C7: variants seen among roughly 807,000 people sequenced by gnomAD.
C7 encodes complement C7.
C7 carries 83 observed loss-of-function variants against 104.8 expected under a neutral mutation model. The ratio of observed to expected loss-of-function variants is 0.79; its 90% CI spans 0.66 to 0.95. C7 has a LOEUF of 0.95. Among genes scored for constraint, C7 ranks in the 40% least tolerant of loss-of-function variants. The pLI is 0.00. For missense variants in C7, 1,070 were observed against 1,011.2 expected (o/e 1.06, Z -0.79); for synonymous variants, 415 against 360.6 (o/e 1.15, Z -1.71).
chr5:40,979,767 G>T lies in C7; in HGVS notation c.2208G>T (p.Arg736Ser), dbSNP rs1195885340. Residue 736 changes from arginine to serine, a missense_variant, in exon 17 of 18, where the codon AGG becomes AGT. Coordinates refer to ENST00000313164, the MANE Select transcript of C7 (RefSeq NM_000587.4). Reference sequence around the variant, plus strand: ...GTGCTCAAGATGAGAGAAGCAAAAGGATACTGCCTCTGACAGTTTGCAAGA... The same window carrying T: ...GTGCTCAAGATGAGAGAAGCAAAAGTATACTGCCTCTGACAGTTTGCAAGA... Reference protein sequence around the residue: ...DVCAQDERSKRILPLTVCKMH... With the variant: ...DVCAQDERSKSILPLTVCKMH... The T allele has an allele frequency of 1.9e-6, 3 of 1,613,516 alleles. No homozygotes were observed. Among genetic ancestry groups the T allele is most frequent in the Non-Finnish European group, 2.5e-6 (3 of 1,179,602 alleles).
chr5:40,929,742 A>G (rs1482775342), intron 2 of C7, among the ~76,000 whole-genome samples: 2 of 151,990 alleles, frequency 1.3e-5, no homozygotes, highest in African/African-American at 4.8e-5. Flanking sequence ...ATGAGAGTCA[A>G]CTCTCCATTT....
Position 40,945,299 on chromosome 5 carries a change from CT to C in C7, c.675del (p.Phe225LeufsTer71). The C allele has an allele frequency of 1.2e-6, 2 of 1,609,136 alleles. No homozygotes were observed. The highest frequency in any genetic ancestry group is 1.7e-6 in the Non-Finnish European group (2 of 1,177,862). ...ACACATCATCTAGTCGGAAGCGCTC[CT>C]TTTTTAGATCTTCATCATCTTCTTC... The part of the protein sequence containing the change: ...EHTSSSRKRS[F>X]FRSSSSSSRS... On this transcript the variant is annotated frameshift_variant, in exon 7 of 18. Coordinates refer to ENST00000313164, the MANE Select transcript of C7 (RefSeq NM_000587.4). LOFTEE classifies it high-confidence loss of function.
intron 13 of C7, among the ~76,000 whole-genome samples, chr5:40,963,430 A>AAGTTAT: frequency 1.3e-5 from 2 of 152,190 alleles, no homozygotes; most frequent in African/African-American, 4.8e-5. Flanking sequence ...AAGGAATAGG[A>AAGTTAT]TCATGAGTCG....
chr5:40,980,980 C>A (rs370773751), intron 17 of C7, among the ~76,000 whole-genome samples: 1 of 152,180 alleles, frequency 6.6e-6, no homozygotes, highest in East Asian at 1.9e-4. Context: ...TAGCCTTTTG[C>A]ATGCCATGCT....
intron 1 of C7, 126 bp downstream of exon 1, chr5:40,909,742 C>G: frequency 1.8e-6 from 1 of 563,926 alleles, no homozygotes; most frequent in South Asian, 5.9e-5. Context: ...AATAGAAGGC[C>G]AGAGGAAAAT....
chr5:40,936,535 AT>A (rs1301583151), intron 5 of C7, 50 bp downstream of exon 5: 2 of 1,542,316 alleles, frequency 1.3e-6, no homozygotes, highest in Admixed American at 4.1e-5. Context: ...GTAGTTTTAA[AT>A]TTTGTTTTAT....
intron 1 of C7, among the ~76,000 whole-genome samples, chr5:40,924,380 C>G (rs1386918333): frequency 1.3e-5 from 2 of 152,190 alleles, no homozygotes; most frequent in African/African-American, 2.4e-5. Flanking sequence ...TTTGGCTTTG[C>G]AGGGTTCAGC....
intron 1 of C7, among the ~76,000 whole-genome samples, chr5:40,914,452 A>T (rs1739276909): frequency 6.6e-6 from 1 of 152,152 alleles, no homozygotes; most frequent in Admixed American, 6.5e-5. Flanking sequence ...TGTTGTAGAG[A>T]AGCTTTTAAT....
chr5:40,959,293 C>T (rs1462607720), intron 11 of C7, among the ~76,000 whole-genome samples, 156 bp from the exon 12 acceptor site: 1 of 152,154 alleles, frequency 6.6e-6, no homozygotes, highest in Non-Finnish European at 1.5e-5. Context: ...GTATGTAGAG[C>T]CATTCTGAAC....
At chr5:40,945,744 G>A (rs558832414) in intron 7 of C7, among the ~76,000 whole-genome samples, 57 of 151,418 alleles carry the variant, frequency 3.8e-4, no homozygotes, top group Non-Finnish European at 6.8e-4. Flanking sequence ...CATGCCTATA[G>A]TCCCAGCTAC....
At chr5:40,934,613 A>G in intron 4 of C7, 147 bp downstream of exon 4, 2 of 788,010 alleles carry the variant, frequency 2.5e-6, no homozygotes, top group Non-Finnish European at 2.1e-6. Context: ...TTTTGTTGGT[A>G]TGTTAATCAT....
At chr5:40,935,960 A>T (rs1349581077) in intron 4 of C7, among the ~76,000 whole-genome samples, 1 of 151,942 alleles carries the variant, frequency 6.6e-6, no homozygotes, top group Non-Finnish European at 1.5e-5. Flanking sequence ...AAATTACCAA[A>T]AAAAGCTCAA....
intron 12 of C7, among the ~76,000 whole-genome samples, chr5:40,960,788 T>G (rs1740403718): frequency 6.6e-6 from 1 of 152,196 alleles, no homozygotes; most frequent in African/African-American, 2.4e-5. Context: ...TACTGCTTTC[T>G]CTCAGATTTT....
rs1257019119 is a variant in C7 at position 40,936,340 on chromosome 5, C to A, written c.283C>A (p.Gln95Lys). 6.2e-7 allele frequency: 1 copy of A among 1,613,090 alleles called. No individual in the cohort carries two copies. Among genetic ancestry groups the A allele is most frequent in the Non-Finnish European group, 8.5e-7 (1 of 1,179,324 alleles). Reference sequence around the variant, plus strand: ...ACGTGGATTTCTCTGGTGTTCAGGTCAGTGCATCAGCAAATCATTGGTTTG... The same window carrying A: ...ACGTGGATTTCTCTGGTGTTCAGGTAAGTGCATCAGCAAATCATTGGTTTG... ...CGERFRCFSG[Q>K]CISKSLVCNG... Residue 95 changes from glutamine (Q) to lysine (K), a missense_variant and splice_region_variant, in exon 5 of 18, where the codon CAG becomes AAG. Gln to Lys is a moderately conservative substitution (Grantham distance 53). Transcript: ENST00000313164.
At chr5:40,929,328 C>T (rs71623868) in intron 2 of C7, among the ~76,000 whole-genome samples, 1 of 152,146 alleles carries the variant, frequency 6.6e-6, no homozygotes, top group African/African-American at 2.4e-5. Context: ...ACTTCCTCTC[C>T]TAAGTCTCCA....
At position 40,913,207 on chromosome 5, in the gene C7, T is replaced by G. The variant is rs376038806; in HGVS notation, c.6+3591T>G. 1.1e-4 allele frequency among the ~76,000 whole-genome samples: 16 copies of G among 152,328 alleles called. No individual in the cohort carries two copies. The East Asian group carries it at 1.9e-3, about 18-fold the overall frequency. Reference sequence around the variant, plus strand: ...TTTTCTTTATCCAATCATCTGTTGTTGGACACTTAGGTTGCTTCTATATCT... The same window carrying G: ...TTTTCTTTATCCAATCATCTGTTGTGGGACACTTAGGTTGCTTCTATATCT... On this transcript the variant is annotated intron_variant, in intron 1 of 17. Coordinates refer to ENST00000313164, the MANE Select transcript of C7 (RefSeq NM_000587.4).
chr5:40,940,772 G>A (rs1475793664), intron 6 of C7, among the ~76,000 whole-genome samples: 2 of 152,074 alleles, frequency 1.3e-5, no homozygotes, highest in African/African-American at 4.8e-5. Flanking sequence ...AATAACCTAA[G>A]GAGGTAGGTA....
chr5:40,919,873 T>C (rs10035592), intron 1 of C7, among the ~76,000 whole-genome samples: 34,434 of 151,696 alleles, frequency 0.23, 4,093 homozygotes, highest in East Asian at 0.32. Context: ...ACAATAAATG[T>C]CTACATCAAA....
At chr5:40,936,717 G>A (rs1021556210) in intron 5 of C7, among the ~76,000 whole-genome samples, 17 of 152,044 alleles carry the variant, frequency 1.1e-4, no homozygotes, top group African/African-American at 2.9e-4. Context: ...TAGTTTTAGC[G>A]CTGAAATTCT....
Sources: gnomAD v4.1 joint callset for allele counts (sites outside exome capture counted in the v4.1 genomes callset) on GRCh38, gnomAD v4.1.1 for gene constraint, MANE v1.5 for transcripts, NCBI Gene and HGNC (gene_info 2026-07-23, HGNC 2026-07-21) for gene names.